ST8SIA4: variants seen among roughly 807,000 people sequenced by gnomAD.
The protein encoded by ST8SIA4 is CMP-N-acetylneuraminate-poly-alpha-2,8-sialyltransferase.
Under a neutral mutation model 33.9 loss-of-function variants are expected in ST8SIA4, and 15 were observed. The ratio of observed to expected loss-of-function variants is 0.44; its 90% confidence interval spans 0.30 to 0.68. The LOEUF (loss-of-function observed/expected upper bound fraction) is 0.68, where lower values mean the gene tolerates loss of function less well. Ranked by LOEUF, ST8SIA4 falls within the 30% of genes least tolerant of loss-of-function variation. The pLI is 0.10. For missense variants in ST8SIA4, 321 were observed against 428.0 expected, an observed-to-expected ratio of 0.75 and a Z score of 2.21; for synonymous variants, 171 against 151.2, an observed-to-expected ratio of 1.13 and a Z score of -0.96.
At chr5:100,902,717 G>T in intron 1 of ST8SIA4, 126 bp downstream of exon 1, 1 of 814,468 alleles carries the variant, frequency 1.2e-6, no homozygotes, top group South Asian at 1.4e-5. Context: ...TTTAATTCAT[G>T]ACACTAACCA....
Position 100,815,175 on chromosome 5 carries a change from T to C in ST8SIA4, c.798-3046A>G, listed in dbSNP as rs115393605. 9.2e-3 allele frequency among the ~76,000 whole-genome samples: 1,397 copies of C among 152,062 alleles called. 18 individuals are homozygous for C. Among genetic ancestry groups the C allele is most frequent in the African/African-American group, 0.032 (1,327 of 41,532 alleles). On this transcript the variant is annotated intron_variant, in intron 4 of 4. Coordinates refer to ENST00000231461, the MANE Select transcript of ST8SIA4 (RefSeq NM_005668.6). ...TTCTTTCTATGTAAATTGATTTTTTTGAGTTACCAAATCCATGTAAGCTCC... is the reference window on the plus strand; with the variant it reads ...TTCTTTCTATGTAAATTGATTTTTTCGAGTTACCAAATCCATGTAAGCTCC...
At chr5:100,820,508 A>C (rs1751013965) in intron 4 of ST8SIA4, among the ~76,000 whole-genome samples, 1 of 152,108 alleles carries the variant, frequency 6.6e-6, no homozygotes, top group African/African-American at 2.4e-5. Context: ...TATATTTATT[A>C]TATAAAACAT....
chr5:100,840,703 T>C (rs1188394216), intron 4 of ST8SIA4, among the ~76,000 whole-genome samples: 2 of 151,784 alleles, frequency 1.3e-5, no homozygotes, highest in Non-Finnish European at 2.9e-5. Flanking sequence ...TTTTGGAGCT[T>C]TCTGTCTTCC....
At chr5:100,828,063 G>C (rs1580451972) in intron 4 of ST8SIA4, among the ~76,000 whole-genome samples, 2 of 152,216 alleles carry the variant, frequency 1.3e-5, no homozygotes, top group South Asian at 2.1e-4. Flanking sequence ...CTAATTTACA[G>C]TTCTGGGACA....
In ST8SIA4 at chr5:100,812,048, A is replaced by G. The variant is rs148811953; in HGVS notation, c.879T>C (p.Asp293=). 16 of 1,613,972 alleles carry G rather than the reference A, an allele frequency of 9.9e-6. No homozygotes were observed. The highest frequency in any genetic ancestry group is 1.4e-5 in the Non-Finnish European group (16 of 1,179,950). The change falls in exon 5 of 5, where the codon GAT becomes GAC. Residue 293 remains aspartate, a synonymous_variant. Transcript: ENST00000231461. ...GCCAGAATCCATACAGGTGAATTTC[A>G]TCACAGAATCTTGTGGCAAGTGTAT... ...LMYTLATRFC[D]EIHLYGFWPF... is the part of the protein sequence containing the mutation.
chr5:100,871,669 G>A (rs1382412518), intron 3 of ST8SIA4, among the ~76,000 whole-genome samples: 1 of 152,026 alleles, frequency 6.6e-6, no homozygotes, highest in African/African-American at 2.4e-5. Flanking sequence ...AGCCATGGCT[G>A]TTAGAAAATG....
chr5:100,858,588 G>T (rs2112442787), intron 3 of ST8SIA4, among the ~76,000 whole-genome samples: 1 of 152,140 alleles, frequency 6.6e-6, no homozygotes, highest in Non-Finnish European at 1.5e-5. Flanking sequence ...TTCTGGTCAT[G>T]AATTTCTCAA....
At position 100,874,405 on chromosome 5, in the gene ST8SIA4, C is replaced by G. The variant is rs564456395; in HGVS notation, c.503+11938G>C. Among the ~76,000 whole-genome samples the G allele has an allele frequency of 1.3e-4, 20 of 152,160 alleles. No homozygotes were observed. The South Asian group carries it at 3.3e-3, about 25-fold the overall frequency. ...AAGCTAAAAACTTCATCCAATATCA[C>G]CTACAATAAACTCTGATTGGACTCT... On this transcript the variant is annotated intron_variant, in intron 3 of 4. Transcript: ENST00000231461.
chr5:100,822,715 T>G (rs1751053846), intron 4 of ST8SIA4, among the ~76,000 whole-genome samples: 1 of 152,134 alleles, frequency 6.6e-6, no homozygotes, highest in Non-Finnish European at 1.5e-5. Flanking sequence ...GAATAGGCGC[T>G]GGGTAAAATA....
chr5:100,827,194 T>A (rs1751166174), intron 4 of ST8SIA4, among the ~76,000 whole-genome samples: 1 of 152,272 alleles, frequency 6.6e-6, no homozygotes, highest in East Asian at 1.9e-4. Flanking sequence ...TTTGTCAGAG[T>A]GTTGAAGAGA....
At chr5:100,825,582 G>C (rs889425781) in intron 4 of ST8SIA4, among the ~76,000 whole-genome samples, 2 of 152,184 alleles carry the variant, frequency 1.3e-5, no homozygotes, top group Non-Finnish European at 2.9e-5. Context: ...AGGATACTCA[G>C]TTTGATTGCT....
At chr5:100,828,991 C>G (rs1751197992) in intron 4 of ST8SIA4, among the ~76,000 whole-genome samples, 2 of 152,126 alleles carry the variant, frequency 1.3e-5, no homozygotes, top group African/African-American at 4.8e-5. Flanking sequence ...TATTTGAGCT[C>G]AAAACACAGC....
In ST8SIA4 at chr5:100,851,108, C is replaced by T. The variant is rs867924136; in HGVS notation, c.797+4995G>A. Among the ~76,000 whole-genome samples, 11 of 151,302 alleles carry T rather than the reference C, an allele frequency of 7.3e-5. No individual in the cohort carries two copies. The South Asian group carries it at 1.0e-3, about 14-fold the overall frequency. On this transcript the variant is annotated intron_variant, in intron 4 of 4. Coordinates refer to ENST00000231461, the MANE Select transcript of ST8SIA4 (RefSeq NM_005668.6). The stretch of plus-strand genomic sequence containing the variant: ...CCTAGTAGCTGGGATTACAGGCATG[C>T]GCCACCATGCCTGGCTAATTTTTGT...
chr5:100,887,989 C>A (rs1173640716), intron 2 of ST8SIA4, among the ~76,000 whole-genome samples: 1 of 151,796 alleles, frequency 6.6e-6, no homozygotes, highest in Non-Finnish European at 1.5e-5. Flanking sequence ...ATCCAGGCAG[C>A]AAAAGGGATA....
rs1017596647 is a variant in ST8SIA4 at position 100,810,200 on chromosome 5, T to A, written c.*1647A>T. ...GGTCAATTCTGTTATACATTAAAAA[T>A]TTTTTAATTACTTTATTAATAATTT... On this transcript the variant is annotated 3_prime_UTR_variant, in exon 5 of 5. Transcript: ENST00000231461. 7 of 152,214 alleles carry A rather than the reference T, an allele frequency of 4.6e-5. No homozygotes were observed. Among genetic ancestry groups the A allele is most frequent in the African/African-American group, 9.6e-5 (4 of 41,456 alleles). The allele number at this position is 152,214 out of a possible 1,614,324, so 9.4% of individuals were successfully genotyped here. A position where few individuals can be genotyped will look rare whatever the true frequency, so the allele number is the denominator to read the frequency against.
chr5:100,839,247 G>A (rs1185781539), intron 4 of ST8SIA4, among the ~76,000 whole-genome samples: 3 of 151,900 alleles, frequency 2.0e-5, no homozygotes, highest in African/African-American at 7.2e-5. Context: ...TTCATATCTT[G>A]TTTCAAATTT....
chr5:100,898,806 G>T (rs1040280782), intron 1 of ST8SIA4, among the ~76,000 whole-genome samples: 2 of 152,154 alleles, frequency 1.3e-5, no homozygotes, highest in Non-Finnish European at 2.9e-5. Context: ...TTGAACAGCT[G>T]CACTGAAAAC....
chr5:100,834,378 A>C (rs1472976069), intron 4 of ST8SIA4, among the ~76,000 whole-genome samples: 2 of 152,208 alleles, frequency 1.3e-5, no homozygotes, highest in African/African-American at 4.8e-5. Context: ...AAATATTTTT[A>C]TCTATGAAAA....
In ST8SIA4 at chr5:100,839,116, C is replaced by T. The variant is rs374923557; in HGVS notation, c.797+16987G>A. On this transcript the variant is annotated intron_variant, in intron 4 of 4. Coordinates refer to ENST00000231461, the MANE Select transcript of ST8SIA4 (RefSeq NM_005668.6). Reference sequence around the variant, plus strand: ...AAGTTGGAATTACAGGCATGAGCCACCACACCCACCCATTTAAAAATTTTT... The same window carrying T: ...AAGTTGGAATTACAGGCATGAGCCATCACACCCACCCATTTAAAAATTTTT... Among the ~76,000 whole-genome samples the T allele has an allele frequency of 2.6e-5, 4 of 152,044 alleles. No homozygotes were observed. In the East Asian group the frequency reaches 7.7e-4, roughly 29 times the overall value.
Sources: gnomAD v4.1 joint callset for allele counts (sites outside exome capture counted in the v4.1 genomes callset) on GRCh38, gnomAD v4.1.1 for gene constraint, MANE v1.5 for transcripts, NCBI Gene and HGNC (gene_info 2026-07-23, HGNC 2026-07-21) for gene names.